Variants in BCL11A observed in about 807,000 individuals in gnomAD.
BCL11A encodes the protein B cell CLL/lymphoma 11A.
A neutral mutation model predicts 55.9 loss-of-function variants in BCL11A; 2 were observed. The ratio of observed to expected loss-of-function variants is 0.04; its 90% CI spans 0.01 to 0.11. The LOEUF (loss-of-function observed/expected upper bound fraction) is 0.11. BCL11A is among the 10% of genes least tolerant of loss of function. BCL11A has a pLI of 1.00. For synonymous variants in BCL11A, 465 were observed against 473.4 expected (o/e 0.98, Z 0.23); for missense variants, 817 against 1,137.1 (o/e 0.72, Z 4.05).
intron 2 of BCL11A, chr2:60,508,932 C>T (rs1380880231): frequency 6.6e-6 from 1 of 152,280 alleles, no homozygotes; most frequent in African/African-American, 2.4e-5. Flanking sequence ...ACGCCCTACC[C>T]ACTGCTACTT....
chr2:60,458,809 T>C lies in BCL11A; in HGVS notation c.*1595A>G, dbSNP rs1389109142. On this transcript the variant is annotated 3_prime_UTR_variant, in exon 4 of 4. Transcript: ENST00000642384. ...AAAGATACAGATATCACAGGCAGAG[T>C]CAAGTGCTATTTGAACACCAACTGG... 9.7e-7 allele frequency: 1 copy of C among 1,030,746 alleles called. No individual in the cohort carries two copies. Among genetic ancestry groups the C allele is most frequent in the African/African-American group, 1.7e-5 (1 of 59,106 alleles). The allele number at this position is 1,030,746 out of a possible 1,614,324, so 63.9% of individuals were successfully genotyped here. A position where few individuals can be genotyped will look rare whatever the true frequency, so the allele number is the denominator to read the frequency against.
At chr2:60,540,330 G>T (rs1219899429) in intron 2 of BCL11A, among the ~76,000 whole-genome samples, 2 of 152,212 alleles carry the variant, frequency 1.3e-5, no homozygotes, top group Admixed American at 1.3e-4. Context: ...TGTAAAAACA[G>T]ACTTGGGCTT....
chr2:60,526,318 A>AG (rs1332754997), intron 2 of BCL11A: 2 of 152,218 alleles, frequency 1.3e-5, no homozygotes, highest in Non-Finnish European at 2.9e-5. Context: ...TTTCAACTTC[A>AG]GATTGTGCCC....
At chr2:60,518,248 T>C (rs1260298530) in intron 2 of BCL11A, among the ~76,000 whole-genome samples, 1 of 152,198 alleles carries the variant, frequency 6.6e-6, no homozygotes, top group Non-Finnish European at 1.5e-5. Context: ...TCTTGTCTCA[T>C]TCCCTCTGTC....
At chr2:60,452,392 A>T (rs748298925), downstream of BCL11A, 27 of 535,870 alleles carry the variant, frequency 5.0e-5, no homozygotes, top group Non-Finnish European at 7.9e-5. Flanking sequence ...ACTTTTTATT[A>T]AAAAATATAA....
In BCL11A at chr2:60,457,426, C is replaced by G; in HGVS notation, c.*2978G>C. 4 of 1,031,958 alleles carry G rather than the reference C, an allele frequency of 3.9e-6. No individual in the cohort carries two copies. The highest frequency in any genetic ancestry group is 4.7e-6 in the Non-Finnish European group (4 of 856,292). The allele number at this position is 1,031,958 out of a possible 1,614,324, so 63.9% of individuals were successfully genotyped here. Reference sequence around the variant, plus strand: ...TCAAATTAAGTGCCTCTGTTTTGAACAGGGCACATAAGCAATAATAAATAG... The same window carrying G: ...TCAAATTAAGTGCCTCTGTTTTGAAGAGGGCACATAAGCAATAATAAATAG... On this transcript the variant is annotated 3_prime_UTR_variant, in exon 4 of 4. Transcript: ENST00000642384.
Position 60,461,523 on chromosome 2 carries a change from G to T in BCL11A, c.1389C>A (p.Leu463=). 6.2e-7 allele frequency: 1 copy of T among 1,608,026 alleles called. No individual in the cohort carries two copies. Residue 463 remains leucine (L), a synonymous_variant, in exon 4 of 4, where the codon CTC becomes CTA. Transcript: ENST00000642384. ...TCTTGAACTTGGCCACCACGGACTT[G>T]AGCGCGCTGCTGGCGCTGCCCACCA... ...SDLVGSASSA[L]KSVVAKFKSE...
Position 60,457,687 on chromosome 2 carries a change from CTTTTT to C in BCL11A, c.*2712_*2716del. 1 of 971,946 alleles carries C rather than the reference CTTTTT, an allele frequency of 1.0e-6. No homozygotes were observed. The highest frequency in any genetic ancestry group is 1.2e-6 in the Non-Finnish European group (1 of 815,448). 60.2% of individuals were successfully genotyped at this position (971,946 alleles called of 1,614,324 possible). ...AAACATTGGTTTTTTTTTTTTTTTC[CTTTTT>C]TTTTCTTTCTTTCTTTTACTGCATA... is the stretch of plus-strand genomic sequence containing the variant. On this transcript the variant is annotated 3_prime_UTR_variant, in exon 4 of 4. Coordinates refer to ENST00000642384, the MANE Select transcript of BCL11A (RefSeq NM_022893.4).
At chr2:60,521,101 TCA>T (rs10607148) in intron 2 of BCL11A, among the ~76,000 whole-genome samples, 413 of 26,586 alleles carry the variant, frequency 0.016, 2 homozygotes, top group Middle Eastern at 0.053. Flanking sequence ...ACACACACAC[TCA>T]CACACACACA....
chr2:60,499,130 T>G (rs1181794484), intron 2 of BCL11A, among the ~76,000 whole-genome samples: 29 of 152,214 alleles, frequency 1.9e-4, no homozygotes, highest in Admixed American at 1.9e-3. Context: ...TTCAGGTTTC[T>G]GGGCTGCCAT....
At position 60,501,357 on chromosome 2, in the gene BCL11A, G is replaced by C. The variant is rs536762766; in HGVS notation, c.386-32524C>G. Among the ~76,000 whole-genome samples the C allele has an allele frequency of 7.9e-5, 12 of 152,240 alleles. No homozygotes were observed. The South Asian group carries it at 2.5e-3, about 32-fold the overall frequency. ...ATAAGAGCACAGGTAAGTGTCACAG[G>C]AAGCCATGGTCCTTTGGGGGAAATG... is the stretch of plus-strand genomic sequence containing the variant. On this transcript the variant is annotated intron_variant, in intron 2 of 3. Coordinates refer to ENST00000642384, the MANE Select transcript of BCL11A (RefSeq NM_022893.4).
chr2:60,533,765 A>G (rs560341610), intron 2 of BCL11A: 2 of 152,230 alleles, frequency 1.3e-5, no homozygotes, highest in Non-Finnish European at 2.9e-5. Context: ...GGACCCCATC[A>G]GTTCATCTTA....
chr2:60,466,624 T>A (rs1676631956), intron 3 of BCL11A, among the ~76,000 whole-genome samples: 1 of 152,232 alleles, frequency 6.6e-6, no homozygotes, highest in Admixed American at 6.5e-5. Flanking sequence ...CAACTGGCTT[T>A]GAATCTGGTC....
chr2:60,530,596 C>T (rs1381358811), intron 2 of BCL11A, among the ~76,000 whole-genome samples: 3 of 151,342 alleles, frequency 2.0e-5, no homozygotes, highest in Admixed American at 2.0e-4. Context: ...AGCTGTGCGT[C>T]TCTTTTTTTT....
intron 3 of BCL11A, among the ~76,000 whole-genome samples, chr2:60,464,368 T>A (rs574254682): frequency 3.3e-5 from 5 of 152,326 alleles, no homozygotes; most frequent in Admixed American, 3.3e-4. Flanking sequence ...TATAAATTTT[T>A]TGTTGTTGTT....
intron 2 of BCL11A, chr2:60,478,348 C>G (rs909255362): frequency 5.3e-5 from 8 of 152,340 alleles, no homozygotes; most frequent in African/African-American, 1.7e-4. Flanking sequence ...AGGACCCTGC[C>G]CACCTTCTGA....
chr2:60,452,530 C>G (rs774345112), downstream of BCL11A: 1 of 1,469,612 alleles, frequency 6.8e-7, no homozygotes, highest in Non-Finnish European at 9.5e-7. Context: ...CTGACGTCGA[C>G]TGGGCGGCAC....
intron 2 of BCL11A, among the ~76,000 whole-genome samples, chr2:60,499,316 C>A (rs1679142941): frequency 6.6e-6 from 1 of 152,210 alleles, no homozygotes; most frequent in South Asian, 2.1e-4. Context: ...CCTTCTGGGC[C>A]ACAGTGCTGG....
intron 2 of BCL11A, among the ~76,000 whole-genome samples, chr2:60,499,346 T>A (rs754951937): frequency 1.1e-4 from 16 of 152,170 alleles, no homozygotes; most frequent in Non-Finnish European, 1.9e-4. Context: ...TCAAAGCCCA[T>A]CGTGCCTTAT....
Sources: gnomAD v4.1 joint callset for allele counts (sites outside exome capture counted in the v4.1 genomes callset) on GRCh38, gnomAD v4.1.1 for gene constraint, MANE v1.5 for transcripts, NCBI Gene and HGNC (gene_info 2026-07-23, HGNC 2026-07-21) for gene names.